Variants in FRS2 observed in about 807,000 individuals in gnomAD.
FRS2 encodes FGFR signalling adaptor.
In FRS2, 8 loss-of-function variants were observed where a neutral mutation model predicts 43.9. The observed-to-expected ratio is 0.18, with a 90% CI of 0.11 to 0.33. The LOEUF is 0.33. Ranked by LOEUF, FRS2 falls within the 10% of genes least tolerant of loss-of-function variation. FRS2 has a pLI of 1.00. For missense variants in FRS2, 534 were observed against 627.6 expected (o/e 0.85, Z 1.59); for synonymous variants, 219 against 220.3 (o/e 0.99, Z 0.05).
chr12:69,478,722 TTATGTGTGTG>T (rs1871076051), intron 1 of FRS2, among the ~76,000 whole-genome samples: 1 of 99,822 alleles, frequency 1.0e-5, no homozygotes, highest in African/African-American at 4.5e-5. Flanking sequence ...ACATACATCA[TTATGTGTGTG>T]TGTGTGTGTG....
chr12:69,552,802 G>A (rs1252490022), intron 3 of FRS2, among the ~76,000 whole-genome samples: 2 of 151,744 alleles, frequency 1.3e-5, no homozygotes, highest in African/African-American at 4.8e-5. Context: ...TGAGGCAGGA[G>A]AATTGCTTGA....
chr12:69,557,631 C>CGCAGGT (rs1879522851), intron 3 of FRS2, among the ~76,000 whole-genome samples: 2 of 121,004 alleles, frequency 1.7e-5, no homozygotes, highest in African/African-American at 6.6e-5. Context: ...CGCGCGCGCG[C>CGCAGGT]GCGCGCAGGT....
Position 69,538,624 on chromosome 12 carries a change from A to G in FRS2, c.-122+6568A>G, listed in dbSNP as rs145623106. 6.7e-3 allele frequency among the ~76,000 whole-genome samples: 1,014 copies of G among 151,956 alleles called. 7 individuals carry two copies. The highest frequency in any genetic ancestry group is 0.011 in the Non-Finnish European group (778 of 68,000). ...TTTTAATTTCCTGCCTTATCCAACT[A>G]ACTTCATGTCCATTTGAATTAAGAT... On this transcript the variant is annotated intron_variant, in intron 3 of 8. Coordinates refer to ENST00000549921, the MANE Select transcript of FRS2 (RefSeq NM_001278356.2).
chr12:69,556,426 A>G (rs750736605), intron 3 of FRS2, among the ~76,000 whole-genome samples: 1 of 151,510 alleles, frequency 6.6e-6, no homozygotes, highest in African/African-American at 2.4e-5. Flanking sequence ...TCCACCTCCC[A>G]GGGTCAAGCG....
intron 3 of FRS2, among the ~76,000 whole-genome samples, chr12:69,538,197 T>TTATATATATATATATATATATATA (rs151295024): frequency 0.019 from 1,548 of 80,168 alleles, 55 homozygotes; most frequent in South Asian, 0.033. Context: ...AAAACAAATT[T>TTATATATATATATATATATATATA]TATATATATA....
chr12:69,532,602 T>C (rs1808565266), intron 3 of FRS2, among the ~76,000 whole-genome samples: 1 of 152,192 alleles, frequency 6.6e-6, no homozygotes, highest in African/African-American at 2.4e-5. Context: ...CCACATTACC[T>C]AGTCACCTCC....
At chr12:69,558,513 AC>A (rs891484986) in intron 3 of FRS2, among the ~76,000 whole-genome samples, 7 of 152,146 alleles carry the variant, frequency 4.6e-5, no homozygotes, top group African/African-American at 1.7e-4. Context: ...CTAAGGAACT[AC>A]CTGGTTCTCC....
At chr12:69,553,099 T>G (rs1282180460) in intron 3 of FRS2, among the ~76,000 whole-genome samples, 2 of 151,172 alleles carry the variant, frequency 1.3e-5, no homozygotes, top group African/African-American at 4.9e-5. Flanking sequence ...GGAGTCTCAG[T>G]CTCACTCTGT....
intron 1 of FRS2, among the ~76,000 whole-genome samples, chr12:69,510,961 G>C (rs1874399997): frequency 6.6e-6 from 1 of 152,188 alleles, no homozygotes; most frequent in Non-Finnish European, 1.5e-5. Flanking sequence ...TTCGTGGACA[G>C]TGTGCCATTT....
At position 69,571,431 on chromosome 12, in the gene FRS2, A is replaced by G. The variant is rs1880745994; in HGVS notation, c.409A>G (p.Thr137Ala). ...LEVPRTPRTPTTPGFAAQNLP... is the reference protein window; with the variant it reads ...LEVPRTPRTPATPGFAAQNLP... ...AGTCCCTAGAACACCTCGAACACCT[A>G]CAAGTAAGTACCCCTTTTCCCTTTC... Residue 137 changes from threonine (T) to alanine (A), a missense_variant, in exon 7 of 9, where the codon ACA (threonine) becomes GCA (alanine). Thr to Ala is a moderately conservative substitution (Grantham distance 58, BLOSUM62 0). Transcript: ENST00000549921. 6 of 1,609,144 alleles carry G rather than the reference A, an allele frequency of 3.7e-6. No individual in the cohort carries two copies. The South Asian group carries it at 4.4e-5, about 12-fold the overall frequency.
At position 69,562,190 on chromosome 12, in the gene FRS2, CA is replaced by C. The variant is rs1042048718; in HGVS notation, c.-108del. ...TTCTTCTGTTTTTAGGTTAAATCAG[CA>C]AACAAAGAAAACATGGTATTTTGAA... On this transcript the variant is annotated 5_prime_UTR_variant, in exon 4 of 9. The change abolishes the stop of an existing upstream ORF in the 5' untranslated region. Transcript: ENST00000549921. 2 of 397,980 alleles carry C rather than the reference CA, an allele frequency of 5.0e-6. No individual in the cohort carries two copies. Among genetic ancestry groups the C allele is most frequent in the African/African-American group, 4.1e-5 (2 of 48,578 alleles). The allele number at this position is 397,980 out of a possible 1,614,324, so 24.7% of individuals were successfully genotyped here. A position where few individuals can be genotyped will look rare whatever the true frequency, so the allele number is the denominator to read the frequency against.
chr12:69,534,738 GGA>G (rs1277983372), intron 3 of FRS2, among the ~76,000 whole-genome samples: 1 of 152,170 alleles, frequency 6.6e-6, no homozygotes, highest in Non-Finnish European at 1.5e-5. Flanking sequence ...TCTGAGCGCT[GGA>G]GCTTGTGTGT....
intron 3 of FRS2, among the ~76,000 whole-genome samples, chr12:69,534,401 C>G (rs1334289722): frequency 2.6e-5 from 4 of 152,114 alleles, no homozygotes; most frequent in Non-Finnish European, 5.9e-5. Context: ...GGTTGAAACT[C>G]AACACAAATT....
At chr12:69,473,069 C>A (rs1870452120) in intron 1 of FRS2, among the ~76,000 whole-genome samples, 1 of 152,116 alleles carries the variant, frequency 6.6e-6, no homozygotes, top group Admixed American at 6.5e-5. Context: ...TCATTTTTAG[C>A]TTAAGTAATG....
At chr12:69,490,679 C>T (rs1273336650) in intron 1 of FRS2, among the ~76,000 whole-genome samples, 1 of 152,034 alleles carries the variant, frequency 6.6e-6, no homozygotes, top group Non-Finnish European at 1.5e-5. Flanking sequence ...AGTGTTATTT[C>T]TGTAAAAAGA....
chr12:69,554,516 T>G (rs890380236), intron 3 of FRS2, among the ~76,000 whole-genome samples: 2 of 152,218 alleles, frequency 1.3e-5, no homozygotes, highest in African/African-American at 4.8e-5. Flanking sequence ...GTACAGAGAT[T>G]CCCATATACC....
At chr12:69,567,333 C>T (rs528127707) in intron 4 of FRS2, among the ~76,000 whole-genome samples, 66 of 152,268 alleles carry the variant, frequency 4.3e-4, no homozygotes, top group African/African-American at 1.6e-3. Context: ...TTATCATATA[C>T]ACTCTTGGTT....
intron 3 of FRS2, among the ~76,000 whole-genome samples, chr12:69,543,833 G>A (rs1016823091): frequency 6.6e-6 from 1 of 152,172 alleles, no homozygotes; most frequent in Non-Finnish European, 1.5e-5. Flanking sequence ...GCAGAGTATG[G>A]AGAGAGAAGA....
At chr12:69,556,250 T>C (rs527373133) in intron 3 of FRS2, among the ~76,000 whole-genome samples, 159 of 152,322 alleles carry the variant, frequency 1.0e-3, no homozygotes, top group Non-Finnish European at 2.0e-3. Context: ...CCAACTGAGT[T>C]TGGAAATACA....
Sources: gnomAD v4.1 joint callset for allele counts (sites outside exome capture counted in the v4.1 genomes callset) on GRCh38, gnomAD v4.1.1 for gene constraint, MANE v1.5 for transcripts, NCBI Gene and HGNC (gene_info 2026-07-23, HGNC 2026-07-21) for gene names.